The following ITGA9 variants were observed in gnomAD, a reference collection of about 807,000 sequenced individuals.
The protein encoded by ITGA9 is integrin alpha-9.
A neutral mutation model predicts 127.8 loss-of-function variants in ITGA9; 56 were observed. The observed-to-expected ratio is 0.44, with a 90% confidence interval of 0.35 to 0.55. The LOEUF (loss-of-function observed/expected upper bound fraction) is 0.55, where lower values mean the gene tolerates loss of function less well. ITGA9 is among the 20% of genes least tolerant of loss of function. The probability of loss-of-function intolerance (pLI) is 0.00; values close to 1 mark genes in which losing one functional copy is unlikely to be tolerated. For missense variants in ITGA9, 1,196 were observed against 1,347.1 expected, an observed-to-expected ratio of 0.89 and a Z score of 1.76; for synonymous variants, 508 against 514.5, an observed-to-expected ratio of 0.99 and a Z score of 0.17.
intron 17 of ITGA9, among the ~76,000 whole-genome samples, chr3:37,659,159 G>C (rs1418825868): frequency 6.6e-6 from 1 of 152,050 alleles, no homozygotes; most frequent in African/African-American, 2.4e-5. Flanking sequence ...TGTGTCTTGA[G>C]GTTGGTCTTC....
intron 15 of ITGA9, among the ~76,000 whole-genome samples, chr3:37,626,228 C>T (rs1057391618): frequency 6.6e-6 from 1 of 152,190 alleles, no homozygotes; most frequent in South Asian, 2.1e-4. Context: ...GATGTCAGAA[C>T]CTGATGTAGT....
intron 15 of ITGA9, among the ~76,000 whole-genome samples, chr3:37,556,712 A>G (rs548047776): frequency 3.9e-5 from 6 of 152,238 alleles, no homozygotes; most frequent in Non-Finnish European, 8.8e-5. Flanking sequence ...GAAGACATAG[A>G]TACCAAAAGT....
intron 17 of ITGA9, among the ~76,000 whole-genome samples, chr3:37,681,985 G>T (rs1272391725): frequency 6.6e-6 from 1 of 152,136 alleles, no homozygotes; most frequent in Non-Finnish European, 1.5e-5. Context: ...CCAGCCAGGC[G>T]AGAACAGTCA....
At chr3:37,507,499 C>G (rs1698857623) in intron 7 of ITGA9, among the ~76,000 whole-genome samples, 1 of 152,124 alleles carries the variant, frequency 6.6e-6, no homozygotes, top group Admixed American at 6.5e-5. Flanking sequence ...CTTAAGATGA[C>G]CCCTCCGCAA....
At chr3:37,582,679 A>C (rs531526223) in intron 15 of ITGA9, among the ~76,000 whole-genome samples, 36 of 152,274 alleles carry the variant, frequency 2.4e-4, no homozygotes, top group African/African-American at 7.9e-4. Flanking sequence ...GGTTCTGTAC[A>C]ATCCCATTAA....
chr3:37,690,283 G>A (rs561829363), intron 18 of ITGA9, among the ~76,000 whole-genome samples: 32 of 152,326 alleles, frequency 2.1e-4, no homozygotes, highest in Admixed American at 3.3e-4. Flanking sequence ...AGGATGGAAA[G>A]AGGCTGCCCA....
chr3:37,788,405 T>A (rs1402162548), intron 26 of ITGA9, among the ~76,000 whole-genome samples: 1 of 152,182 alleles, frequency 6.6e-6, no homozygotes, highest in Non-Finnish European at 1.5e-5. Flanking sequence ...CGGGCGCTTG[T>A]TTCTCCACTG....
intron 16 of ITGA9, among the ~76,000 whole-genome samples, chr3:37,633,005 C>G (rs925946538): frequency 6.6e-6 from 1 of 152,068 alleles, no homozygotes; most frequent in Non-Finnish European, 1.5e-5. Flanking sequence ...AAATGACAAC[C>G]AGAAGGAGCA....
chr3:37,452,398 G>A lies in ITGA9; in HGVS notation c.24G>A (p.Arg8=). Residue 8 remains arginine (R), a synonymous_variant, in exon 1 of 28, where the codon AGG becomes AGA. Coordinates refer to ENST00000264741, the MANE Select transcript of ITGA9 (RefSeq NM_002207.3). The surrounding 1 kb of genome is among the most constrained non-coding windows in gnomAD (Gnocchi z 7.3). ...GGATGGGCGGCCCGGCTGCGCCGAGGGGCGCCGGGAGGCTCCGCGCGCTGC... is the reference window on the plus strand; with the variant it reads ...GGATGGGCGGCCCGGCTGCGCCGAGAGGCGCCGGGAGGCTCCGCGCGCTGC... MGGPAAP[R]GAGRLRALLL... 3.7e-6 allele frequency: 5 copies of A among 1,361,922 alleles called. No individual in the cohort carries two copies. The highest frequency in any genetic ancestry group is 3.8e-6 in the Non-Finnish European group (4 of 1,056,958). The allele number at this position is 1,361,922 out of a possible 1,614,324, so 84.4% of individuals were successfully genotyped here.
At chr3:37,655,953 C>G (rs1700473558) in intron 17 of ITGA9, among the ~76,000 whole-genome samples, 1 of 152,218 alleles carries the variant, frequency 6.6e-6, no homozygotes, top group Admixed American at 6.5e-5. Context: ...AGTAGGGAAT[C>G]CTTTCCCCAT....
intron 4 of ITGA9, among the ~76,000 whole-genome samples, chr3:37,486,848 C>T (rs573630972): frequency 6.6e-6 from 1 of 152,334 alleles, no homozygotes; most frequent in South Asian, 2.1e-4. Context: ...GATGGAAAAA[C>T]TTCCTATGGA....
chr3:37,481,340 A>C (rs17036403), intron 3 of ITGA9, 144 bp from the exon 4 acceptor site: 132,533 of 1,038,106 alleles, frequency 0.13, 8,909 homozygotes, highest in Middle Eastern at 0.14. Context: ...ATGCCCAGAA[A>C]AGTGCCTGTT....
intron 24 of ITGA9, among the ~76,000 whole-genome samples, chr3:37,779,031 A>G (rs1421549031): frequency 6.6e-6 from 1 of 152,152 alleles, no homozygotes; most frequent in East Asian, 1.9e-4. Context: ...AGGTATGTAT[A>G]CGCATTTTGG....
At chr3:37,644,364 G>A (rs1259267224) in intron 16 of ITGA9, among the ~76,000 whole-genome samples, 1 of 152,088 alleles carries the variant, frequency 6.6e-6, no homozygotes, top group Non-Finnish European at 1.5e-5. Flanking sequence ...ACATGTTCTC[G>A]TTTATAAGTG....
chr3:37,649,717 A>G (rs1348853417), intron 16 of ITGA9, among the ~76,000 whole-genome samples: 1 of 152,206 alleles, frequency 6.6e-6, no homozygotes, highest in East Asian at 1.9e-4. Flanking sequence ...TAACAAATGG[A>G]CCTAGCTGGC....
Position 37,732,967 on chromosome 3 carries a change from C to T in ITGA9, c.2154+169C>T, listed in dbSNP as rs541764381. 573 of 673,108 alleles carry T rather than the reference C, an allele frequency of 8.5e-4. 4 individuals carry two copies. The highest frequency in any genetic ancestry group is 3.3e-3 in the South Asian group (211 of 63,652). The allele number at this position is 673,108 out of a possible 1,614,324, so 41.7% of individuals were successfully genotyped here. ...TGCTCCTGTCCCTGGCTGTGTACAC[C>T]GGGGTATACTCCGGAGGGGCTGCAT... is the stretch of plus-strand genomic sequence containing the variant. On this transcript the variant is annotated intron_variant, in intron 19 of 27. Coordinates refer to ENST00000264741, the MANE Select transcript of ITGA9 (RefSeq NM_002207.3).
At chr3:37,733,508 C>T (rs1289146172) in intron 19 of ITGA9, among the ~76,000 whole-genome samples, 7 of 110,884 alleles carry the variant, frequency 6.3e-5, no homozygotes, top group East Asian at 5.0e-4. Context: ...AGTGAGACTC[C>T]GTCTCACAAA....
chr3:37,607,138 G>A (rs147871297), intron 15 of ITGA9, among the ~76,000 whole-genome samples: 91 of 151,958 alleles, frequency 6.0e-4, no homozygotes, highest in African/African-American at 1.7e-3. Flanking sequence ...ATGTGCCCCC[G>A]TACCTGGCTA....
chr3:37,526,817 A>T (rs61147797), intron 13 of ITGA9, among the ~76,000 whole-genome samples: 2,691 of 152,350 alleles, frequency 0.018, 66 homozygotes, highest in African/African-American at 0.061. Context: ...AAGGGATCCC[A>T]GAGGCCATGT....
Sources: allele counts gnomAD v4.1 joint callset (sites outside exome capture counted in the v4.1 genomes callset), GRCh38; gene constraint gnomAD v4.1.1; non-coding constraint Gnocchi (gnomAD v3.1); transcripts MANE v1.5; gene names NCBI Gene and HGNC (gene_info 2026-07-23, HGNC 2026-07-21).